The following EXOC4 variants were observed in gnomAD, a reference collection of about 807,000 sequenced individuals.
EXOC4 encodes exocyst complex component 4.
A neutral mutation model predicts 107.2 loss-of-function variants in EXOC4; 71 were observed. That is an observed-to-expected ratio of 0.66 (90% CI 0.55 to 0.81). EXOC4 has a LOEUF of 0.81. EXOC4 is among the 30% of genes least tolerant of loss of function. The pLI is 0.00. For missense variants in EXOC4, 1,108 were observed against 1,189.6 expected, an observed-to-expected ratio of 0.93 and a Z score of 1.01; for synonymous variants, 456 against 441.2, an observed-to-expected ratio of 1.03 and a Z score of -0.42.
intron 5 of EXOC4, among the ~76,000 whole-genome samples, chr7:133,330,429 TGA>T (rs1795355558): frequency 6.6e-6 from 1 of 151,548 alleles, no homozygotes; most frequent in South Asian, 2.1e-4. Flanking sequence ...TCCAGGGGAG[TGA>T]ACGGTTCTGT....
chr7:133,436,141 G>T (rs1230364974), intron 7 of EXOC4, among the ~76,000 whole-genome samples: 1 of 149,072 alleles, frequency 6.7e-6, no homozygotes, highest in Admixed American at 6.7e-5. Context: ...GCTTGTTTTT[G>T]AAAGATGTTT....
chr7:133,346,301 T>C (rs1157086340), intron 5 of EXOC4, among the ~76,000 whole-genome samples: 1 of 152,178 alleles, frequency 6.6e-6, no homozygotes, highest in Non-Finnish European at 1.5e-5. Context: ...TTTATTACCC[T>C]GCATGGGCCA....
rs146167491 is a variant in EXOC4, at chr7:134,009,707, A to G, written c.2687+1872A>G. 2.2e-4 allele frequency among the ~76,000 whole-genome samples: 34 copies of G among 152,334 alleles called. No individual in the cohort carries two copies. In the East Asian group the frequency reaches 6.4e-3, roughly 28 times the overall value. On this transcript the variant is annotated intron_variant, in intron 17 of 17. Coordinates refer to ENST00000253861, the MANE Select transcript of EXOC4 (RefSeq NM_021807.4). Reference sequence around the variant, plus strand: ...ATTGACAAGGAGAAGTTAAGAACATAGAAGCCTGAGGGATACAAAAACCCA... The same window carrying G: ...ATTGACAAGGAGAAGTTAAGAACATGGAAGCCTGAGGGATACAAAAACCCA...
intron 10 of EXOC4, among the ~76,000 whole-genome samples, chr7:133,781,259 C>T (rs1796460684): frequency 6.6e-6 from 1 of 152,148 alleles, no homozygotes; most frequent in East Asian, 1.9e-4. Context: ...TTTTCTCGTC[C>T]ATTTCTTCAC....
chr7:133,869,754 A>G (rs959912466), intron 11 of EXOC4, among the ~76,000 whole-genome samples: 12 of 152,172 alleles, frequency 7.9e-5, no homozygotes, highest in Non-Finnish European at 1.3e-4. Flanking sequence ...ACAGAAACAC[A>G]GTGTTCAATA....
chr7:133,495,965 C>T (rs1327827670), intron 9 of EXOC4, among the ~76,000 whole-genome samples: 1 of 151,942 alleles, frequency 6.6e-6, no homozygotes, highest in African/African-American at 2.4e-5. Context: ...TTTATGGGCT[C>T]AAATTTTTAC....
At chr7:133,463,599 A>G (rs1798645622) in intron 7 of EXOC4, among the ~76,000 whole-genome samples, 1 of 152,180 alleles carries the variant, frequency 6.6e-6, no homozygotes, top group Admixed American at 6.5e-5. Context: ...TTACAGCCTA[A>G]CTACTAATAC....
chr7:133,671,985 G>A (rs929841528), intron 10 of EXOC4, among the ~76,000 whole-genome samples: 1 of 152,120 alleles, frequency 6.6e-6, no homozygotes, highest in Non-Finnish European at 1.5e-5. Flanking sequence ...TTCGTAAATG[G>A]GAATTAGACT....
chr7:134,097,495 C>T, the EXOC4 span, among the ~76,000 whole-genome samples: 1 of 152,122 alleles, frequency 6.6e-6, no homozygotes, highest in African/African-American at 2.4e-5. Context: ...TTTGTAGTTC[C>T]CTGAAGCAAG....
At chr7:133,286,782 T>A (rs1291583448) in intron 2 of EXOC4, among the ~76,000 whole-genome samples, 1 of 152,220 alleles carries the variant, frequency 6.6e-6, no homozygotes, top group Admixed American at 6.5e-5. Context: ...CTTTGGATCG[T>A]ACTGTTTAAT....
Position 133,839,676 on chromosome 7 carries a change from G to A in EXOC4, c.1734+22132G>A, listed in dbSNP as rs115881353. Among the ~76,000 whole-genome samples, 365 of 152,308 alleles carry A rather than the reference G, an allele frequency of 2.4e-3. 5 individuals carry two copies. The highest frequency in any genetic ancestry group is 8.2e-3 in the African/African-American group (341 of 41,570). ...GGACTTGTACCAAGACCGGAATCCT[G>A]TAGTGACAGGTGCTTTATAGGAATA... On this transcript the variant is annotated intron_variant, in intron 11 of 17. Transcript: ENST00000253861.
intron 2 of EXOC4, among the ~76,000 whole-genome samples, chr7:133,287,009 T>C (rs1053373264): frequency 2.0e-5 from 3 of 152,200 alleles, no homozygotes; most frequent in African/African-American, 7.2e-5. Flanking sequence ...CCCCTGCCAT[T>C]AGTATACTTG....
chr7:134,094,868 G>A, the EXOC4 span, among the ~76,000 whole-genome samples: 355 of 152,072 alleles, frequency 2.3e-3, 1 homozygote, highest in African/African-American at 8.1e-3. Flanking sequence ...TACTGAATGG[G>A]CAAAAGCTAA....
chr7:133,755,065 AT>A (rs1323526671), intron 10 of EXOC4, among the ~76,000 whole-genome samples: 1 of 151,210 alleles, frequency 6.6e-6, no homozygotes, highest in East Asian at 1.9e-4. Context: ...TTAAAATATA[AT>A]GAAAAGCTGA....
intron 9 of EXOC4, among the ~76,000 whole-genome samples, chr7:133,614,106 G>A (rs1585032996): frequency 6.6e-6 from 1 of 151,998 alleles, no homozygotes; most frequent in Non-Finnish European, 1.5e-5. Context: ...AAAGGATGTC[G>A]GCCTGAACAG....
intron 11 of EXOC4, among the ~76,000 whole-genome samples, chr7:133,863,831 C>T (rs191963923): frequency 6.6e-6 from 1 of 152,278 alleles, no homozygotes; most frequent in East Asian, 1.9e-4. Flanking sequence ...ACAGTTGTGA[C>T]ATTCAGCAGT....
At chr7:133,594,654 C>A (rs1012184753) in intron 9 of EXOC4, among the ~76,000 whole-genome samples, 2 of 151,842 alleles carry the variant, frequency 1.3e-5, no homozygotes, top group Admixed American at 6.6e-5. Context: ...CCACCACGCC[C>A]AGCTAATTTT....
At chr7:133,502,385 CTTA>C (rs954400026) in intron 9 of EXOC4, among the ~76,000 whole-genome samples, 1 of 152,078 alleles carries the variant, frequency 6.6e-6, no homozygotes, top group African/African-American at 2.4e-5. Flanking sequence ...TTCATTGTTA[CTTA>C]TTATTCAGTT....
At chr7:133,568,268 G>T in intron 9 of EXOC4, among the ~76,000 whole-genome samples, 1 of 150,982 alleles carries the variant, frequency 6.6e-6, no homozygotes, top group African/African-American at 2.4e-5. Flanking sequence ...TGGGAATACA[G>T]CAATTTGAGA....
Sources: gnomAD v4.1 joint callset for allele counts (sites outside exome capture counted in the v4.1 genomes callset) on GRCh38, gnomAD v4.1.1 for gene constraint, MANE v1.5 for transcripts, NCBI Gene and HGNC (gene_info 2026-07-23, HGNC 2026-07-21) for gene names.